The following MDGA2 variants were observed in gnomAD, a reference collection of about 807,000 sequenced individuals.
The protein encoded by MDGA2 is MAM domain containing glycosylphosphatidylinositol anchor 2.
Under a neutral mutation model 117.8 loss-of-function variants are expected in MDGA2, and 40 were observed. The observed-to-expected ratio is 0.34, with a 90% CI of 0.26 to 0.44. The LOEUF (loss-of-function observed/expected upper bound fraction) is 0.44, where lower values mean the gene tolerates loss of function less well. MDGA2 is among the 20% of genes least tolerant of loss of function. The pLI, the probability that MDGA2 is intolerant of heterozygous loss-of-function variation, is 1.00. For synonymous variants in MDGA2, 452 were observed against 439.0 expected (o/e 1.03, Z -0.37); for missense variants, 1,123 against 1,250.6 (o/e 0.90, Z 1.54).
chr14:47,366,078 G>A (rs1258976951), intron 1 of MDGA2, among the ~76,000 whole-genome samples: 5 of 152,098 alleles, frequency 3.3e-5, no homozygotes, highest in African/African-American at 1.2e-4. Context: ...CACTTTTATA[G>A]GTCATACTTC....
intron 3 of MDGA2, among the ~76,000 whole-genome samples, chr14:47,158,483 CT>C (rs11390991): frequency 9.0e-4 from 127 of 141,046 alleles, no homozygotes; most frequent in East Asian, 3.7e-3. Context: ...TTATAGCAGC[CT>C]TTTTTTTTTT....
intron 1 of MDGA2, among the ~76,000 whole-genome samples, chr14:47,525,625 C>A (rs1277083932): frequency 1.3e-5 from 2 of 151,900 alleles, no homozygotes; most frequent in Non-Finnish European, 2.9e-5. Context: ...GCAGAGGTTG[C>A]GGTGAACCGA....
intron 3 of MDGA2, among the ~76,000 whole-genome samples, chr14:47,153,515 G>A (rs939400382): frequency 7.9e-5 from 12 of 152,004 alleles, no homozygotes; most frequent in Admixed American, 2.6e-4. Context: ...TTTGGTTGAC[G>A]CAGCTCCTCC....
intron 2 of MDGA2, among the ~76,000 whole-genome samples, chr14:47,269,900 A>AT (rs1250999935): frequency 1.3e-5 from 2 of 151,874 alleles, no homozygotes; most frequent in African/African-American, 4.8e-5. Flanking sequence ...AAACACCAAT[A>AT]TTTTTTCCCC....
chr14:47,174,557 A>G (rs1347075749), intron 3 of MDGA2, among the ~76,000 whole-genome samples: 3 of 152,334 alleles, frequency 2.0e-5, no homozygotes, highest in Non-Finnish European at 4.4e-5. Flanking sequence ...TACTGGGTAC[A>G]TAATGAAATG....
chr14:47,071,734 C>T (rs150647532), intron 6 of MDGA2, among the ~76,000 whole-genome samples: 56 of 152,128 alleles, frequency 3.7e-4, no homozygotes, highest in East Asian at 3.3e-3. Flanking sequence ...GTATCTGGGA[C>T]GTAAAAATAC....
At chr14:47,543,905 T>C (rs530325157) in intron 1 of MDGA2, among the ~76,000 whole-genome samples, 178 of 152,280 alleles carry the variant, frequency 1.2e-3, no homozygotes, top group African/African-American at 4.2e-3. Context: ...TCCCAAAATA[T>C]GTAACATAGA....
intron 1 of MDGA2, among the ~76,000 whole-genome samples, chr14:47,384,155 G>C (rs886676289): frequency 4.0e-5 from 6 of 151,752 alleles, no homozygotes; most frequent in African/African-American, 1.5e-4. Flanking sequence ...TTGTAAAATA[G>C]AACCTGATAA....
chr14:47,502,220 A>G lies in MDGA2; in HGVS notation c.280+172297T>C, dbSNP rs533846058. On this transcript the variant is annotated intron_variant, in intron 1 of 16. Coordinates refer to ENST00000399232, the MANE Select transcript of MDGA2 (RefSeq NM_001113498.3). The stretch of plus-strand genomic sequence containing the variant: ...GAATGTTTGTAATTATATAATATAT[A>G]TTAAAAAGTATCCCTTACTTTTAGG... 3.3e-5 allele frequency among the ~76,000 whole-genome samples: 5 copies of G among 152,296 alleles called. No homozygotes were observed. In the East Asian group the frequency reaches 9.6e-4, roughly 29 times the overall value.
chr14:47,099,222 GA>G (rs879832162), intron 5 of MDGA2, among the ~76,000 whole-genome samples: 16 of 151,122 alleles, frequency 1.1e-4, no homozygotes, highest in Non-Finnish European at 2.1e-4. Context: ...TTTCAAAATA[GA>G]AAAAAAAGTT....
chr14:47,171,216 T>C (rs1386171885), intron 3 of MDGA2, among the ~76,000 whole-genome samples: 4 of 152,078 alleles, frequency 2.6e-5, no homozygotes, highest in African/African-American at 4.8e-5. Context: ...TGTGGGAAAA[T>C]ACTGAAGGTT....
In MDGA2 at chr14:47,342,631, A is replaced by T. The variant is rs114921076; in HGVS notation, c.281-41081T>A. Among the ~76,000 whole-genome samples the T allele has an allele frequency of 3.1e-3, 476 of 152,306 alleles. 4 individuals are homozygous for T. The highest frequency in any genetic ancestry group is 0.011 in the African/African-American group (459 of 41,570). On this transcript the variant is annotated intron_variant, in intron 1 of 16. Coordinates refer to ENST00000399232, the MANE Select transcript of MDGA2 (RefSeq NM_001113498.3). ...TGCAGCTATATATTTTACTAAGAAG[A>T]ATTCCAGCACAGCATAGAAATAATG...
chr14:47,326,939 T>C (rs35487985), intron 1 of MDGA2, among the ~76,000 whole-genome samples: 19,562 of 152,062 alleles, frequency 0.13, 1,395 homozygotes, highest in African/African-American at 0.19. Context: ...AAAATCATGA[T>C]TGAAGAGATA....
rs184055642 is a variant in MDGA2 at position 47,058,706 on chromosome 14, T to C, written c.1525+2543A>G. On this transcript the variant is annotated intron_variant, in intron 7 of 16. Transcript: ENST00000399232. ...TACTGCATTCTAGTATTCCACTCTA[T>C]TGTAAGCAAATTGGAACATCAAAGG... 8.8e-5 allele frequency: 87 copies of C among 985,356 alleles called. No individual in the cohort carries two copies. In the African/African-American group the frequency reaches 1.4e-3, roughly 16 times the overall value. 61.0% of individuals were successfully genotyped at this position (985,356 alleles called of 1,614,324 possible).
chr14:47,583,021 T>C (rs1032986534), intron 1 of MDGA2, among the ~76,000 whole-genome samples: 1 of 151,870 alleles, frequency 6.6e-6, no homozygotes, highest in Admixed American at 6.6e-5. Context: ...ATATTTCTTC[T>C]AAAGACAATC....
At chr14:46,984,517 A>C (rs1886796052) in intron 8 of MDGA2, among the ~76,000 whole-genome samples, 2 of 152,010 alleles carry the variant, frequency 1.3e-5, no homozygotes, top group Non-Finnish European at 2.9e-5. Context: ...AAATCAGTGC[A>C]ATTATATCAA....
At chr14:47,593,678 G>A (rs149104293) in intron 1 of MDGA2, among the ~76,000 whole-genome samples, 1 of 152,108 alleles carries the variant, frequency 6.6e-6, no homozygotes, top group East Asian at 1.9e-4. Flanking sequence ...ACTGAACAAT[G>A]AGAACACATG....
chr14:46,920,081 A>G lies in MDGA2; in HGVS notation c.2169T>C (p.Ser723=), dbSNP rs1048282441. ...CAGGATTCATCTGTGTCCACTGTAGACTGTAAGAATAAACACGGTGTCTGT... is the reference window on the plus strand; with the variant it reads ...CAGGATTCATCTGTGTCCACTGTAGGCTGTAAGAATAAACACGGTGTCTGT... ...WQNRHRVYSY[S]LQWTQMNPDA... The change falls in exon 10 of 17, where the codon AGT becomes AGC. Residue 723 remains serine (S), a synonymous_variant. Transcript: ENST00000399232. 1.2e-6 allele frequency: 2 copies of G among 1,611,354 alleles called. No individual in the cohort carries two copies. The highest frequency in any genetic ancestry group is 3.4e-5 in the Admixed American group (2 of 59,636).
chr14:47,405,655 A>G (rs1451477834), intron 1 of MDGA2, among the ~76,000 whole-genome samples: 1 of 152,174 alleles, frequency 6.6e-6, no homozygotes, highest in East Asian at 1.9e-4. Context: ...GAAATGCAAA[A>G]TCACTTTGAC....
Sources: gnomAD v4.1 joint callset for allele counts (sites outside exome capture counted in the v4.1 genomes callset) on GRCh38, gnomAD v4.1.1 for gene constraint, MANE v1.5 for transcripts, NCBI Gene and HGNC (gene_info 2026-07-23, HGNC 2026-07-21) for gene names.